The following TNFAIP8 variants were observed in gnomAD, a reference collection of about 807,000 sequenced individuals.
TNFAIP8 encodes the protein tumor necrosis factor alpha-induced protein 8.
In TNFAIP8, 7 loss-of-function variants were observed where a neutral mutation model predicts 13.3. The observed-to-expected ratio is 0.52, with a 90% CI of 0.30 to 0.99. The LOEUF is 0.99. Ranked by LOEUF, TNFAIP8 falls within the 50% of genes least tolerant of loss-of-function variation. The pLI, the probability that TNFAIP8 is intolerant of heterozygous loss-of-function variation, is 0.07. For missense variants in TNFAIP8, 258 were observed against 236.9 expected, an observed-to-expected ratio of 1.09 and a Z score of -0.58; for synonymous variants, 94 against 87.6, an observed-to-expected ratio of 1.07 and a Z score of -0.41.
intron 1 of TNFAIP8, among the ~76,000 whole-genome samples, chr5:119,314,248 A>C (rs1307740799): frequency 6.6e-6 from 1 of 152,234 alleles, no homozygotes; most frequent in Non-Finnish European, 1.5e-5. Context: ...GTGAATCTCC[A>C]GCACATGGGA....
intron 1 of TNFAIP8, among the ~76,000 whole-genome samples, chr5:119,295,787 G>A (rs1274767503): frequency 1.3e-5 from 2 of 152,074 alleles, no homozygotes; most frequent in Non-Finnish European, 2.9e-5. Flanking sequence ...CCATTTGTTT[G>A]TATCCTCTTT....
chr5:119,380,396 C>T (rs1024942946), intron 1 of TNFAIP8, among the ~76,000 whole-genome samples: 2 of 152,182 alleles, frequency 1.3e-5, no homozygotes, highest in Non-Finnish European at 2.9e-5. Flanking sequence ...TTTCTAAGCC[C>T]TGCATGAATA....
At chr5:119,272,672 AAAT>A (rs1294911064) in intron 1 of TNFAIP8, among the ~76,000 whole-genome samples, 2 of 152,230 alleles carry the variant, frequency 1.3e-5, no homozygotes, top group Non-Finnish European at 2.9e-5. Flanking sequence ...AGCAATAATC[AAAT>A]AATACCCAGC....
At chr5:119,316,112 G>T (rs1330463130) in intron 1 of TNFAIP8, 3 of 151,132 alleles carry the variant, frequency 2.0e-5, no homozygotes, top group African/African-American at 7.3e-5. Flanking sequence ...AAAGGGTAAA[G>T]AACTTTGCAG....
intron 1 of TNFAIP8, among the ~76,000 whole-genome samples, chr5:119,383,325 C>G (rs1015464724): frequency 6.6e-6 from 1 of 152,184 alleles, no homozygotes; most frequent in Non-Finnish European, 1.5e-5. Flanking sequence ...GGTGTAATTA[C>G]TAACAGCACT....
chr5:119,279,420 A>G (rs1315415505), intron 1 of TNFAIP8, among the ~76,000 whole-genome samples: 1 of 152,244 alleles, frequency 6.6e-6, no homozygotes, highest in East Asian at 1.9e-4. Flanking sequence ...TAGTAGAAGG[A>G]TGAACCATGG....
At chr5:119,289,956 C>G (rs1748930965) in intron 1 of TNFAIP8, among the ~76,000 whole-genome samples, 1 of 152,214 alleles carries the variant, frequency 6.6e-6, no homozygotes, top group South Asian at 2.1e-4. Flanking sequence ...GTCCAAGACA[C>G]AGCTTCACCA....
intron 1 of TNFAIP8, among the ~76,000 whole-genome samples, chr5:119,357,537 A>G (rs1751478368): frequency 6.6e-6 from 1 of 152,086 alleles, no homozygotes; most frequent in Non-Finnish European, 1.5e-5. Flanking sequence ...TGAGAAAGAG[A>G]GAGTGGGAGA....
chr5:119,334,624 C>CGTGTGTGTGTGTGTGT lies in TNFAIP8; in HGVS notation c.2-58171_2-58156dup, dbSNP rs59714206. On this transcript the variant is annotated intron_variant, in intron 1 of 1. Coordinates refer to the TNFAIP8 transcript ENST00000274456. Reference sequence around the variant, plus strand: ...CCTAGAGCTGTGCATGTGATCCTTTCGTGTGTGTGTGTGTGTGTGTGTGTG... The same window carrying CGTGTGTGTGTGTGTGT: ...CCTAGAGCTGTGCATGTGATCCTTTCGTGTGTGTGTGTGTGTGTGTGTGTGTGTGTGTGTGTGTGTG... Among the ~76,000 whole-genome samples the CGTGTGTGTGTGTGTGT allele has an allele frequency of 1.6e-3, 220 of 135,794 alleles. 1 individual carries two copies. Among genetic ancestry groups the CGTGTGTGTGTGTGTGT allele is most frequent in the African/African-American group, 5.7e-3 (203 of 35,350 alleles). The allele number at this position is 135,794 out of a possible 152,430, so 89.1% of individuals were successfully genotyped here.
chr5:119,272,480 G>A (rs13361153), intron 1 of TNFAIP8, among the ~76,000 whole-genome samples: 103,278 of 152,158 alleles, frequency 0.68, 37,135 homozygotes, highest in East Asian at 0.97. Context: ...TTTCACAAGG[G>A]CAGTAGAATG....
intron 1 of TNFAIP8, among the ~76,000 whole-genome samples, chr5:119,384,930 G>A (rs775393393): frequency 2.0e-5 from 3 of 152,116 alleles, no homozygotes; most frequent in South Asian, 4.1e-4. Flanking sequence ...TTTCAAAATC[G>A]TCATAAAACT....
chr5:119,352,271 G>A (rs189987670), upstream of TNFAIP8, among the ~76,000 whole-genome samples: 4 of 152,274 alleles, frequency 2.6e-5, no homozygotes, highest in African/African-American at 4.8e-5. Flanking sequence ...GATCTCTCCC[G>A]CATATGGGGA....
intron 1 of TNFAIP8, among the ~76,000 whole-genome samples, chr5:119,373,090 C>A (rs1043648365): frequency 2.6e-5 from 4 of 152,062 alleles, no homozygotes; most frequent in African/African-American, 9.7e-5. Flanking sequence ...ATGTATTACA[C>A]CTGAAGTCAT....
At position 119,393,379 on chromosome 5, in the gene TNFAIP8, T is replaced by C. The variant is rs1752975737; in HGVS notation, c.595T>C (p.Ter199ArgextTer7). ...INKMLDEENI[*>R] ...CAAAATGTTGGATGAAGAGAACATATGAGCACATGAGTTAAGATTGTGACT... is the reference window on the plus strand; with the variant it reads ...CAAAATGTTGGATGAAGAGAACATACGAGCACATGAGTTAAGATTGTGACT... Residue 199 changes from the stop codon to arginine, a stop_lost, in exon 2 of 2, where the codon TGA (stop) becomes CGA (arginine). Transcript: ENST00000504771. 2.5e-6 allele frequency: 4 copies of C among 1,609,932 alleles called. No homozygotes were observed. Among genetic ancestry groups the C allele is most frequent in the Non-Finnish European group, 3.4e-6 (4 of 1,177,222 alleles).
chr5:119,393,367 G>C lies in TNFAIP8; in HGVS notation c.583G>C (p.Glu195Gln), dbSNP rs1562039195. Residue 195 changes from glutamate to glutamine, a missense_variant, in exon 2 of 2, where the codon GAA (glutamate) becomes CAA (glutamine). Glu to Gln is a conservative substitution (Grantham distance 29, BLOSUM62 2). Transcript: ENST00000504771. ...LCDGINKMLDEENI is the reference protein window; with the variant it reads ...LCDGINKMLDQENI ...TGATGGTATCAACAAAATGTTGGAT[G>C]AAGAGAACATATGAGCACATGAGTT... The C allele has an allele frequency of 1.9e-6, 3 of 1,613,028 alleles. No homozygotes were observed. The South Asian group carries it at 3.3e-5, about 18-fold the overall frequency.
chr5:119,384,071 A>C (rs183024575), intron 1 of TNFAIP8, among the ~76,000 whole-genome samples: 9 of 152,344 alleles, frequency 5.9e-5, no homozygotes, highest in Admixed American at 5.9e-4. Flanking sequence ...AGTTCAAGTT[A>C]ATCTCTGCCA....
chr5:119,384,695 T>A (rs1475345851), intron 1 of TNFAIP8, among the ~76,000 whole-genome samples: 1 of 152,196 alleles, frequency 6.6e-6, no homozygotes, highest in Non-Finnish European at 1.5e-5. Context: ...TCTATCCTAA[T>A]ATTTTGAGAC....
intron 1 of TNFAIP8, among the ~76,000 whole-genome samples, chr5:119,346,492 G>A (rs1750905563): frequency 6.6e-6 from 1 of 152,190 alleles, no homozygotes; most frequent in African/African-American, 2.4e-5. Context: ...TCTTCACATA[G>A]TGAGTAATGA....
At position 119,326,759 on chromosome 5, in the gene TNFAIP8, A is replaced by G. The variant is rs949786634; in HGVS notation, c.1+57852A>G. 2.0e-5 allele frequency among the ~76,000 whole-genome samples: 3 copies of G among 152,096 alleles called. No homozygotes were observed. In the East Asian group the frequency reaches 5.8e-4, roughly 29 times the overall value. On this transcript the variant is annotated intron_variant, in intron 1 of 1. Coordinates refer to the TNFAIP8 transcript ENST00000274456. ...GGGTGATGGGGCTGGAAATGAAGAGAAAGCAGAGGAGTGTTTTGAAGGTGA... is the reference window on the plus strand; with the variant it reads ...GGGTGATGGGGCTGGAAATGAAGAGGAAGCAGAGGAGTGTTTTGAAGGTGA...
Sources: allele counts gnomAD v4.1 joint callset (sites outside exome capture counted in the v4.1 genomes callset), GRCh38; gene constraint gnomAD v4.1.1; transcripts MANE v1.5; gene names NCBI Gene and HGNC (gene_info 2026-07-23, HGNC 2026-07-21).